Variants in ULK4 observed in about 807,000 individuals in gnomAD.
ULK4 encodes the protein inactive serine/threonine-protein kinase ULK4.
A neutral mutation model predicts 160.6 loss-of-function variants in ULK4; 133 were observed. The ratio of observed to expected loss-of-function variants is 0.83; its 90% CI spans 0.72 to 0.96. The LOEUF (loss-of-function observed/expected upper bound fraction) is 0.96, where lower values mean the gene tolerates loss of function less well. Among genes scored for constraint, ULK4 ranks in the 40% least tolerant of loss-of-function variants. The probability of loss-of-function intolerance (pLI) is 0.00; values close to 1 mark genes in which losing one functional copy is unlikely to be tolerated. For missense variants in ULK4, 1,580 were observed against 1,499.5 expected, an observed-to-expected ratio of 1.05 and a Z score of -0.89; for synonymous variants, 534 against 539.8, an observed-to-expected ratio of 0.99 and a Z score of 0.15.
At chr3:41,506,765 A>AAAAAAAAAAAAAAAAAAAAATAT (rs1491135487) in intron 32 of ULK4, among the ~76,000 whole-genome samples, 4 of 10,446 alleles carry the variant, frequency 3.8e-4, no homozygotes, top group East Asian at 2.1e-3. Flanking sequence ...AGTGTGATTT[A>AAAAAAAAAAAAAAAAAAAAATAT]AAATATATAT....
chr3:41,752,298 A>C (rs1691877881), intron 22 of ULK4, among the ~76,000 whole-genome samples: 1 of 152,220 alleles, frequency 6.6e-6, no homozygotes, highest in Non-Finnish European at 1.5e-5. Flanking sequence ...TGGTAAACGC[A>C]AAGACAAATC....
intron 35 of ULK4, among the ~76,000 whole-genome samples, chr3:41,304,911 G>A (rs559908868): frequency 6.6e-6 from 1 of 152,310 alleles, no homozygotes; most frequent in East Asian, 1.9e-4. Context: ...AGGGTAGGAA[G>A]GAATAGTGAG....
At chr3:41,894,378 A>G (rs1299155087) in intron 16 of ULK4, among the ~76,000 whole-genome samples, 1 of 152,144 alleles carries the variant, frequency 6.6e-6, no homozygotes, top group Non-Finnish European at 1.5e-5. Flanking sequence ...AGTAAGAACT[A>G]CCCTTATTAT....
At chr3:41,565,813 T>G (rs980529748) in intron 32 of ULK4, among the ~76,000 whole-genome samples, 6 of 152,256 alleles carry the variant, frequency 3.9e-5, no homozygotes, top group African/African-American at 1.4e-4. Context: ...TTGTCATCTT[T>G]AAGCAGTGAC....
At chr3:41,740,421 T>C (rs1359112050) in intron 22 of ULK4, among the ~76,000 whole-genome samples, 3 of 151,846 alleles carry the variant, frequency 2.0e-5, no homozygotes, top group African/African-American at 7.3e-5. Context: ...CCATTCATCC[T>C]CTAAAAGGAT....
intron 18 of ULK4, among the ~76,000 whole-genome samples, chr3:41,831,407 A>G (rs1159603317): frequency 2.1e-5 from 3 of 143,080 alleles, no homozygotes; most frequent in Non-Finnish European, 4.5e-5. Flanking sequence ...ACATATCTCC[A>G]TATACTAGTC....
chr3:41,772,519 G>C (rs528744032), intron 21 of ULK4, among the ~76,000 whole-genome samples: 309 of 152,248 alleles, frequency 2.0e-3, no homozygotes, highest in African/African-American at 7.2e-3. Context: ...GACTAAACCA[G>C]GAAGAAGTTG....
At chr3:41,434,398 G>C (rs1575553991) in intron 34 of ULK4, among the ~76,000 whole-genome samples, 1 of 152,072 alleles carries the variant, frequency 6.6e-6, no homozygotes. Flanking sequence ...TATATACTAT[G>C]ATTTCATTAT....
At chr3:41,921,552 T>C (rs1699183852) in intron 5 of ULK4, among the ~76,000 whole-genome samples, 1 of 151,514 alleles carries the variant, frequency 6.6e-6, no homozygotes, top group Non-Finnish European at 1.5e-5. Flanking sequence ...GAGGCGGAGT[T>C]TGCAGTGAGC....
rs2034129584 is a variant in ULK4 at position 41,640,288 on chromosome 3, T to C, written c.3071+23319A>G. On this transcript the variant is annotated intron_variant, in intron 30 of 36. Coordinates refer to ENST00000301831, the MANE Select transcript of ULK4 (RefSeq NM_017886.4). The stretch of plus-strand genomic sequence containing the variant: ...GGTAGCTCTATACAAGTGAGTCATT[T>C]CTTAAAAATGACTGGTGAATTGAGA... Among the ~76,000 whole-genome samples, 3 of 152,180 alleles carry C rather than the reference T, an allele frequency of 2.0e-5. No homozygotes were observed. In the East Asian group the frequency reaches 5.8e-4, roughly 29 times the overall value.
chr3:41,532,449 T>C (rs1445529585), intron 32 of ULK4, among the ~76,000 whole-genome samples: 1 of 152,220 alleles, frequency 6.6e-6, no homozygotes, highest in Non-Finnish European at 1.5e-5. Flanking sequence ...TAGCATCATC[T>C]AACAAACTTA....
intron 1 of ULK4, among the ~76,000 whole-genome samples, chr3:41,957,451 A>AAAC (rs1700521774): frequency 6.7e-6 from 1 of 148,940 alleles, no homozygotes; most frequent in Non-Finnish European, 1.5e-5. Context: ...CACCACTCAA[A>AAAC]AAAAAAAAAA....
chr3:41,960,792 TATAAA>T (rs574526069), intron 1 of ULK4, among the ~76,000 whole-genome samples: 25 of 152,270 alleles, frequency 1.6e-4, no homozygotes, highest in East Asian at 3.9e-4. Flanking sequence ...ACCTCTTAAT[TATAAA>T]ATAAAACACA....
chr3:41,287,539 T>C (rs1042308616), intron 35 of ULK4, among the ~76,000 whole-genome samples: 2 of 152,204 alleles, frequency 1.3e-5, no homozygotes, highest in African/African-American at 4.8e-5. Flanking sequence ...GGGATGAAAT[T>C]TGGTCGTGTA....
At chr3:41,872,289 C>T (rs544467924) in intron 17 of ULK4, among the ~76,000 whole-genome samples, 1 of 152,324 alleles carries the variant, frequency 6.6e-6, no homozygotes, top group Admixed American at 6.5e-5. Context: ...GCTTTAACCT[C>T]CCAGCTGCTG....
intron 31 of ULK4, among the ~76,000 whole-genome samples, chr3:41,587,585 T>C (rs1282306619): frequency 6.6e-6 from 1 of 152,140 alleles, no homozygotes; most frequent in Non-Finnish European, 1.5e-5. Context: ...CTATGAAATA[T>C]TCATTTGGTA....
intron 32 of ULK4, among the ~76,000 whole-genome samples, chr3:41,463,843 G>T (rs2083756077): frequency 6.6e-6 from 1 of 151,958 alleles, no homozygotes; most frequent in African/African-American, 2.4e-5. Context: ...TTCACATTTT[G>T]GGGGTGTTAT....
chr3:41,847,540 T>G (rs985887145), intron 17 of ULK4, among the ~76,000 whole-genome samples: 2 of 152,212 alleles, frequency 1.3e-5, no homozygotes, highest in African/African-American at 4.8e-5. Flanking sequence ...ACACAACTTT[T>G]AAAATATTTC....
At chr3:41,364,121 A>G (rs928155530) in intron 35 of ULK4, among the ~76,000 whole-genome samples, 2 of 152,194 alleles carry the variant, frequency 1.3e-5, no homozygotes, top group African/African-American at 4.8e-5. Flanking sequence ...TATTTTTTGT[A>G]GAGACAAGGT....
Sources: allele counts gnomAD v4.1 joint callset (sites outside exome capture counted in the v4.1 genomes callset), GRCh38; gene constraint gnomAD v4.1.1; transcripts MANE v1.5; gene names NCBI Gene and HGNC (gene_info 2026-07-23, HGNC 2026-07-21).